BMPR1A: variants seen among roughly 807,000 people sequenced by gnomAD.
BMPR1A encodes bone morphogenetic protein receptor type 1A.
BMPR1A carries 7 observed loss-of-function variants against 66.0 expected under a neutral mutation model. That is an observed-to-expected ratio of 0.11 (90% CI 0.06 to 0.20). The LOEUF is 0.20. BMPR1A is among the 10% of genes least tolerant of loss of function. The pLI is 1.00. For missense variants in BMPR1A, 408 were observed against 669.1 expected (o/e 0.61, Z 4.31); for synonymous variants, 200 against 229.7 (o/e 0.87, Z 1.17).
intron 7 of BMPR1A, among the ~76,000 whole-genome samples, chr10:86,911,177 T>A (rs993803782): frequency 5.5e-4 from 66 of 119,050 alleles, no homozygotes; most frequent in African/African-American, 1.7e-3. Flanking sequence ...AAAAAAAAAA[T>A]TAAACCTTGA....
intron 3 of BMPR1A, among the ~76,000 whole-genome samples, chr10:86,888,438 A>G (rs1441962608): frequency 1.3e-5 from 2 of 152,228 alleles, no homozygotes; most frequent in Non-Finnish European, 2.9e-5. Flanking sequence ...AGTGCACTCC[A>G]GCTTGGGTGA....
intron 2 of BMPR1A, among the ~76,000 whole-genome samples, chr10:86,852,774 G>T (rs1842588844): frequency 6.6e-6 from 1 of 152,116 alleles, no homozygotes; most frequent in African/African-American, 2.4e-5. Context: ...ACCGTTCCAT[G>T]TTCTTTACAA....
intron 3 of BMPR1A, among the ~76,000 whole-genome samples, chr10:86,876,655 C>T (rs1842924887): frequency 6.6e-6 from 1 of 152,074 alleles, no homozygotes; most frequent in African/African-American, 2.4e-5. Flanking sequence ...CCTGTAATCC[C>T]AGCTACTCGG....
chr10:86,921,508 C>G lies in BMPR1A; in HGVS notation c.1167-12C>G, dbSNP rs1406664448. ...GGCCCTCAACTTGGACCTTGGCTTT[C>G]TTTTGTTTCAGTGACACAAATGAAG... On this transcript the variant is annotated splice_polypyrimidine_tract_variant and intron_variant, in intron 10 of 12. Coordinates refer to ENST00000372037, the MANE Select transcript of BMPR1A (RefSeq NM_004329.3). 1.2e-6 allele frequency: 2 copies of G among 1,613,666 alleles called. No individual in the cohort carries two copies. Among genetic ancestry groups the G allele is most frequent in the Non-Finnish European group, 1.7e-6 (2 of 1,179,846 alleles).
chr10:86,875,037 C>CT (rs1029768793), intron 2 of BMPR1A, among the ~76,000 whole-genome samples: 7 of 150,950 alleles, frequency 4.6e-5, no homozygotes, highest in African/African-American at 1.2e-4. Flanking sequence ...GCTCCTTTTT[C>CT]TTTTTTTTCC....
intron 2 of BMPR1A, among the ~76,000 whole-genome samples, chr10:86,839,719 C>G (rs1287671039): frequency 6.7e-6 from 1 of 150,032 alleles, no homozygotes; most frequent in Admixed American, 6.7e-5. Flanking sequence ...GTCACCCAGG[C>G]TGGACTGCAG....
intron 2 of BMPR1A, chr10:86,854,816 G>T: frequency 4.0e-6 from 1 of 252,568 alleles, no homozygotes; most frequent in Non-Finnish European, 8.3e-6. Flanking sequence ...TGGTTTAATG[G>T]CTGTATCTGA....
intron 7 of BMPR1A, among the ~76,000 whole-genome samples, chr10:86,906,178 A>C (rs1843384312): frequency 6.6e-6 from 1 of 152,048 alleles, no homozygotes; most frequent in Admixed American, 6.6e-5. Flanking sequence ...TAAAGCTGTC[A>C]CTCATTATCT....
intron 3 of BMPR1A, among the ~76,000 whole-genome samples, chr10:86,878,635 T>TG (rs1360821515): frequency 9.8e-5 from 15 of 152,330 alleles, no homozygotes; most frequent in African/African-American, 2.9e-4. Flanking sequence ...GGTTCCCAAG[T>TG]GGTTACTATT....
intron 2 of BMPR1A, among the ~76,000 whole-genome samples, chr10:86,864,411 A>AGCCT (rs1330876040): frequency 1.3e-5 from 2 of 152,202 alleles, no homozygotes; most frequent in Non-Finnish European, 2.9e-5. Context: ...GACCTTCCGT[A>AGCCT]GCCTGTCTAA....
At chr10:86,762,928 ACT>A (rs1446115467) in intron 1 of BMPR1A, among the ~76,000 whole-genome samples, 3 of 150,528 alleles carry the variant, frequency 2.0e-5, no homozygotes, top group East Asian at 4.0e-4. Context: ...ACGGAGTCTC[ACT>A]CTGTCGCCCA....
chr10:86,916,414 G>A (rs952258047), intron 8 of BMPR1A, among the ~76,000 whole-genome samples: 3 of 152,230 alleles, frequency 2.0e-5, no homozygotes, highest in African/African-American at 7.2e-5. Context: ...TTGGCCGACA[G>A]TTCATGCTGC....
chr10:86,755,893 C>T (rs755024241), upstream of BMPR1A: 6 of 152,136 alleles, frequency 3.9e-5, no homozygotes, highest in Non-Finnish European at 8.8e-5. Flanking sequence ...TCCTCCCGGC[C>T]GGGGAGCCTC....
chr10:86,911,671 G>T lies in BMPR1A; in HGVS notation c.531-569G>T, dbSNP rs145114939. Among the ~76,000 whole-genome samples the T allele has an allele frequency of 6.1e-3, 933 of 152,244 alleles. 13 individuals are homozygous for T. The highest frequency in any genetic ancestry group is 0.02 in the African/African-American group (844 of 41,528). The stretch of plus-strand genomic sequence containing the variant: ...AGGCTGAGGTGGGAGGATCGCTTGA[G>T]CCTGGGTGGCAGAGGTTGCAGTGAA... On this transcript the variant is annotated intron_variant, in intron 7 of 12. Transcript: ENST00000372037.
intron 7 of BMPR1A, among the ~76,000 whole-genome samples, chr10:86,906,723 C>CAAAAAAAAAAAAAAAAAAAAAAA (rs929716555): frequency 9.3e-5 from 1 of 10,698 alleles, no homozygotes; most frequent in Non-Finnish European, 1.2e-4. Flanking sequence ...GACTCCGTCT[C>CAAAAAAAAAAAAAAAAAAAAAAA]AAAAAAAAAA....
chr10:86,765,962 A>T (rs899873706), intron 1 of BMPR1A, among the ~76,000 whole-genome samples: 15 of 136,122 alleles, frequency 1.1e-4, no homozygotes, highest in Admixed American at 7.4e-5. Context: ...GATTCTTTTT[A>T]TGTCAGTAAA....
At chr10:86,775,679 G>T (rs1841335979) in intron 1 of BMPR1A, among the ~76,000 whole-genome samples, 1 of 151,802 alleles carries the variant, frequency 6.6e-6, no homozygotes, top group Non-Finnish European at 1.5e-5. Context: ...TTTTTTTAAT[G>T]TAATAGCTTG....
chr10:86,757,189 CG>C (rs979058736), intron 1 of BMPR1A, among the ~76,000 whole-genome samples: 1 of 152,092 alleles, frequency 6.6e-6, no homozygotes, highest in Non-Finnish European at 1.5e-5. Flanking sequence ...GCGGAGTGGG[CG>C]AAAGTCGCTC....
downstream of BMPR1A, chr10:86,928,610 C>A (rs1843779095): frequency 6.6e-6 from 1 of 152,116 alleles, no homozygotes; most frequent in Non-Finnish European, 1.5e-5. Flanking sequence ...AAAAATCACT[C>A]AAAATTCTAT....
Sources: allele counts gnomAD v4.1 joint callset (sites outside exome capture counted in the v4.1 genomes callset), GRCh38; gene constraint gnomAD v4.1.1; transcripts MANE v1.5; gene names NCBI Gene and HGNC (gene_info 2026-07-23, HGNC 2026-07-21).